The following CAV1 variants were observed in gnomAD, a reference collection of about 807,000 sequenced individuals.
CAV1 encodes caveolin-1.
CAV1 carries 10 observed loss-of-function variants against 16.5 expected under a neutral mutation model. That is an observed-to-expected ratio of 0.61 (90% CI 0.37 to 1.03). The LOEUF is 1.03. CAV1 is among the 50% of genes least tolerant of loss of function. CAV1 has a pLI of 0.01. For synonymous variants in CAV1, 76 were observed against 85.1 expected (o/e 0.89, Z 0.59); for missense variants, 212 against 232.8 (o/e 0.91, Z 0.58).
At position 116,560,118 on chromosome 7, in the gene CAV1, A is replaced by G. The variant is rs1369913866; in HGVS notation, c.*831A>G. ...AGCTCACTTCTGGGCTTCATCTGGC[A>G]ACATCTTTATCCGTAGTGGGTATGG... On this transcript the variant is annotated 3_prime_UTR_variant, in exon 3 of 3. Transcript: ENST00000341049. 6.1e-6 allele frequency: 2 copies of G among 327,672 alleles called. No homozygotes were observed. Among genetic ancestry groups the G allele is most frequent in the Non-Finnish European group, 1.1e-5 (2 of 181,182 alleles). The allele number at this position is 327,672 out of a possible 1,614,324, so 20.3% of individuals were successfully genotyped here. A position where few individuals can be genotyped will look rare whatever the true frequency, so the allele number is the denominator to read the frequency against.
chr7:116,532,038 C>T (rs923278889), intron 2 of CAV1, among the ~76,000 whole-genome samples: 1 of 152,164 alleles, frequency 6.6e-6, no homozygotes, highest in Admixed American at 6.5e-5. Context: ...CTTTTCCCTC[C>T]TCCATCTATT....
chr7:116,548,582 C>T (rs1794098743), intron 2 of CAV1, among the ~76,000 whole-genome samples: 1 of 152,176 alleles, frequency 6.6e-6, no homozygotes, highest in Non-Finnish European at 1.5e-5. Context: ...CAATAAAGAG[C>T]AACCAGAGTC....
intron 2 of CAV1, among the ~76,000 whole-genome samples, chr7:116,532,430 C>G (rs953409857): frequency 6.6e-6 from 1 of 152,198 alleles, no homozygotes; most frequent in African/African-American, 2.4e-5. Flanking sequence ...GTGCGCTCAC[C>G]TGCGGGGTTG....
intron 2 of CAV1, among the ~76,000 whole-genome samples, chr7:116,551,105 G>A (rs1011625208): frequency 1.2e-4 from 18 of 152,168 alleles, no homozygotes; most frequent in African/African-American, 4.1e-4. Context: ...ACGAGACAAA[G>A]GGCAATCCTG....
At chr7:116,541,033 G>T (rs997301219) in intron 2 of CAV1, among the ~76,000 whole-genome samples, 1 of 152,082 alleles carries the variant, frequency 6.6e-6, no homozygotes, top group Non-Finnish European at 1.5e-5. Flanking sequence ...ACTCAAACTA[G>T]GTCTGTCAAT....
At chr7:116,555,968 AAGC>A (rs1794286637) in intron 2 of CAV1, among the ~76,000 whole-genome samples, 1 of 152,204 alleles carries the variant, frequency 6.6e-6, no homozygotes, top group Non-Finnish European at 1.5e-5. Context: ...TCAAAGACTA[AAGC>A]AGCAATAACT....
At chr7:116,534,195 G>A (rs551415398) in intron 2 of CAV1, among the ~76,000 whole-genome samples, 1 of 151,258 alleles carries the variant, frequency 6.6e-6, no homozygotes, top group Non-Finnish European at 1.5e-5. Context: ...TCCAGCCTGG[G>A]CGACAGAGTG....
At chr7:116,542,395 G>A (rs138959909) in intron 2 of CAV1, among the ~76,000 whole-genome samples, 1 of 152,216 alleles carries the variant, frequency 6.6e-6, no homozygotes, top group African/African-American at 2.4e-5. Context: ...TCTGTGGTGG[G>A]GCCCAGAACT....
chr7:116,525,240 G>T, intron 1 of CAV1, 148 bp downstream of exon 1: 1 of 1,608,824 alleles, frequency 6.2e-7, no homozygotes. Context: ...GCTGAGGAAT[G>T]GGCCTGGGCG....
At chr7:116,554,703 C>T (rs1449387207) in intron 2 of CAV1, among the ~76,000 whole-genome samples, 1 of 152,042 alleles carries the variant, frequency 6.6e-6, no homozygotes, top group African/African-American at 2.4e-5. Context: ...CAATCAGTAC[C>T]AATAATGTAC....
chr7:116,532,677 A>C (rs1268598948), intron 2 of CAV1, among the ~76,000 whole-genome samples: 1 of 152,244 alleles, frequency 6.6e-6, no homozygotes, highest in Non-Finnish European at 1.5e-5. Flanking sequence ...TAACACATAG[A>C]TGCTCAGAGG....
intron 2 of CAV1, among the ~76,000 whole-genome samples, chr7:116,532,275 T>TA (rs1055482883): frequency 6.6e-6 from 1 of 152,204 alleles, no homozygotes; most frequent in Non-Finnish European, 1.5e-5. Flanking sequence ...ACCACCTGTT[T>TA]ATGTATCCTG....
chr7:116,534,381 ATATATATATATATATTTTTTTTTT>A (rs1198650869), intron 2 of CAV1, among the ~76,000 whole-genome samples: 432 of 11,506 alleles, frequency 0.038, 54 homozygotes, highest in Non-Finnish European at 0.057. Context: ...ATATATATAT[ATATATATATATATATTTTTTTTTT>A]TTTTTTTTTT....
intron 2 of CAV1, among the ~76,000 whole-genome samples, chr7:116,533,432 A>G (rs1487760384): frequency 6.6e-6 from 1 of 151,958 alleles, no homozygotes; most frequent in Non-Finnish European, 1.5e-5. Flanking sequence ...CGCCCCAAAA[A>G]TATTTTGGGC....
intron 2 of CAV1, chr7:116,542,905 T>C (rs1793968933): frequency 6.9e-6 from 1 of 145,472 alleles, no homozygotes; most frequent in Non-Finnish European, 1.5e-5. Context: ...ATTCCCAAAG[T>C]GCGAGTGGCC....
At chr7:116,553,822 C>T (rs1794211141) in intron 2 of CAV1, among the ~76,000 whole-genome samples, 2 of 152,102 alleles carry the variant, frequency 1.3e-5, no homozygotes, top group Admixed American at 1.3e-4. Flanking sequence ...GAACAATGAG[C>T]CCATTAGAGA....
intron 2 of CAV1, among the ~76,000 whole-genome samples, chr7:116,549,148 G>A (rs988007380): frequency 6.6e-6 from 1 of 152,130 alleles, no homozygotes; most frequent in Non-Finnish European, 1.5e-5. Context: ...ATGAGGAAAA[G>A]TGGAGACAAG....
chr7:116,552,195 T>G (rs1026531266), intron 2 of CAV1, among the ~76,000 whole-genome samples: 2 of 152,228 alleles, frequency 1.3e-5, no homozygotes, highest in Non-Finnish European at 2.9e-5. Flanking sequence ...ATGCTGTCTA[T>G]CGCATCTAAG....
intron 2 of CAV1, among the ~76,000 whole-genome samples, chr7:116,538,921 C>T (rs938585805): frequency 6.6e-6 from 1 of 152,144 alleles, no homozygotes. Context: ...GGACTTATCA[C>T]TACCACAAGA....
Sources: allele counts gnomAD v4.1 joint callset (sites outside exome capture counted in the v4.1 genomes callset), GRCh38; gene constraint gnomAD v4.1.1; transcripts MANE v1.5; gene names NCBI Gene and HGNC (gene_info 2026-07-23, HGNC 2026-07-21).